The following ZNF117 variants were observed in gnomAD, a reference collection of about 807,000 sequenced individuals.
The protein encoded by ZNF117 is zinc finger protein 117.
A neutral mutation model predicts 41.2 loss-of-function variants in ZNF117; 37 were observed. The ratio of observed to expected loss-of-function variants is 0.90; its 90% CI spans 0.69 to 1.18. ZNF117 has a LOEUF of 1.18. ZNF117 is among the 50% of genes most tolerant of loss of function. The pLI is 0.00. For missense variants in ZNF117, 546 were observed against 557.5 expected, an observed-to-expected ratio of 0.98 and a Z score of 0.21; for synonymous variants, 186 against 186.6, an observed-to-expected ratio of 1.00 and a Z score of 0.02.
At position 64,977,748 on chromosome 7, in the gene ZNF117, G is replaced by A. The variant is rs115620872; in HGVS notation, c.*371C>T. 2.1e-3 allele frequency: 1,893 copies of A among 892,806 alleles called. 22 individuals carry two copies. In the African/African-American group the frequency reaches 0.024, roughly 11 times the overall value. 55.3% of individuals were successfully genotyped at this position (892,806 alleles called of 1,614,324 possible). ...TTCACATTTATATGGTTTCTCTCCA[G>A]TATGAATTATTTTATGTGTAGTAAG... is the stretch of plus-strand genomic sequence containing the variant. On this transcript the variant is annotated 3_prime_UTR_variant, in exon 3 of 3. Transcript: ENST00000620222.
exon 3 of ZNF117, chr7:64,978,724 C>A: frequency 6.2e-7 from 1 of 1,612,870 alleles, no homozygotes; most frequent in Non-Finnish European, 8.5e-7. Context: ...AAGGCTTTAC[C>A]ACATTCTTCA....
upstream of ZNF117, among the ~76,000 whole-genome samples, chr7:64,985,453 T>C (rs553908227): frequency 2.7e-4 from 41 of 152,332 alleles, no homozygotes; most frequent in African/African-American, 9.6e-4. Flanking sequence ...TAAAACAAAC[T>C]TTAATCTAAA....
chr7:64,981,327 G>A (rs2129119364), intron 2 of ZNF117, 60 bp downstream of exon 3: 1 of 1,590,254 alleles, frequency 6.3e-7, no homozygotes, highest in South Asian at 1.1e-5. Context: ...TTTAAGCTGT[G>A]GCCTTCTCCT....
chr7:64,984,457 T>C (rs879818006), upstream of ZNF117, among the ~76,000 whole-genome samples: 4 of 152,200 alleles, frequency 2.6e-5, no homozygotes, highest in Non-Finnish European at 5.9e-5. Flanking sequence ...TACATTTGAG[T>C]TTGCATCATG....
At chr7:64,974,774 TG>T (rs1785844006) in exon 3 of ZNF117, 1 of 151,922 alleles carries the variant, frequency 6.6e-6, no homozygotes, top group African/African-American at 2.4e-5. Context: ...ATTATACCCA[TG>T]AAAATGACCC....
chr7:64,988,491 A>T (rs1786182162), intron 1 of ZNF117, among the ~76,000 whole-genome samples: 1 of 152,156 alleles, frequency 6.6e-6, no homozygotes, highest in African/African-American at 2.4e-5. Flanking sequence ...CCCACAACAA[A>T]CATACTGAGT....
chr7:64,981,984 C>A lies in ZNF117; in HGVS notation c.-63G>T. 1 of 631,838 alleles carries A rather than the reference C, an allele frequency of 1.6e-6. No homozygotes were observed. The highest frequency in any genetic ancestry group is 2.0e-5 in the South Asian group (1 of 49,642). The allele number at this position is 631,838 out of a possible 1,614,324, so 39.1% of individuals were successfully genotyped here. A position where few individuals can be genotyped will look rare whatever the true frequency, so the allele number is the denominator to read the frequency against. On this transcript the variant is annotated splice_region_variant and 5_prime_UTR_variant, in exon 1 of 3. In the 5' UTR this introduces an upstream ATG that the reference lacks. Coordinates refer to ENST00000620222, the Ensembl canonical transcript of ZNF117. ...ATTAGAAAATGTGTATTGAAGTTAC[C>A]TTCACCCAAGAAAACCAGGTTTCTG...
chr7:64,978,555 C>A, exon 3 of ZNF117: 2 of 1,612,988 alleles, frequency 1.2e-6, no homozygotes, highest in Non-Finnish European at 8.5e-7. Flanking sequence ...AAAAGCTTTG[C>A]CACATTCCTC....
chr7:64,986,112 T>G (rs1327797428), upstream of ZNF117, among the ~76,000 whole-genome samples: 1 of 151,216 alleles, frequency 6.6e-6, no homozygotes, highest in Non-Finnish European at 1.5e-5. Context: ...CATGTGCACT[T>G]GAGAAATGTT....
chr7:64,978,926 A>G (rs902761517), exon 3 of ZNF117: 1 of 1,613,506 alleles, frequency 6.2e-7, no homozygotes, highest in Middle Eastern at 1.7e-4. Context: ...TTTCCCCAGT[A>G]TGAATTATAT....
At chr7:64,974,432 C>T (rs771571577), downstream of ZNF117, 3 of 151,854 alleles carry the variant, frequency 2.0e-5, no homozygotes, top group Non-Finnish European at 3.0e-5. Context: ...GCAGAGTATA[C>T]ATTTACTTTC....
exon 3 of ZNF117, chr7:64,978,122 G>C (rs763730617): frequency 2.5e-6 from 4 of 1,607,688 alleles, no homozygotes; most frequent in Non-Finnish European, 3.4e-6. Flanking sequence ...TTGAGGATCA[G>C]GTAGAAGCTT....
intron 1 of ZNF117, among the ~76,000 whole-genome samples, chr7:64,989,443 T>TTATATATATATA (rs58009024): frequency 2.2e-4 from 11 of 49,464 alleles, no homozygotes; most frequent in East Asian, 9.3e-4. Context: ...GAACTTAAAA[T>TTATATATATATA]TATATATATA....
intron 1 of ZNF117, among the ~76,000 whole-genome samples, chr7:64,989,446 TATATA>T (rs1786206656): frequency 7.5e-4 from 4 of 5,346 alleles, no homozygotes; most frequent in South Asian, 3.3e-3. Context: ...CTTAAAATTA[TATATA>T]TATATATATA....
upstream of ZNF117, among the ~76,000 whole-genome samples, chr7:64,986,427 GCAGACAAATGGCA>G (rs1250533060): frequency 6.6e-6 from 1 of 152,098 alleles, no homozygotes; most frequent in African/African-American, 2.4e-5. Flanking sequence ...ATAAGATGAT[GCAGACAAATGGCA>G]CAGACAAAAA....
rs1562649381 is a variant in ZNF117 at position 64,989,475 on chromosome 7, ATATATATATATATATATATATAT to A, written c.-196+449_-196+471del. ...TATATATATATATATATATATATATATATATATATATATATATATATATAAAACCTGAAAATAATCTAGAAAAT... is the reference window on the plus strand; with the variant it reads ...TATATATATATATATATATATATATAAAAACCTGAAAATAATCTAGAAAAT... On this transcript the variant is annotated intron_variant, in intron 1 of 3. Coordinates refer to the ZNF117 transcript ENST00000282869. 3.8e-4 allele frequency among the ~76,000 whole-genome samples: 44 copies of A among 115,108 alleles called. 1 individual carries two copies. Among genetic ancestry groups the A allele is most frequent in the Non-Finnish European group, 6.2e-4 (35 of 56,078 alleles). The allele number at this position is 115,108 out of a possible 152,430, so 75.5% of individuals were successfully genotyped here. A position where few individuals can be genotyped will look rare whatever the true frequency, so the allele number is the denominator to read the frequency against.
chr7:64,989,486 T>TATATATATATAC (rs1562649460), intron 1 of ZNF117, among the ~76,000 whole-genome samples: 20 of 74,622 alleles, frequency 2.7e-4, no homozygotes, highest in Non-Finnish European at 5.2e-4. Flanking sequence ...TATATATATA[T>TATATATATATAC]ATATATATAT....
exon 3 of ZNF117, chr7:64,975,433 A>T (rs914360151): frequency 1.3e-5 from 2 of 151,588 alleles, no homozygotes; most frequent in African/African-American, 4.8e-5. Context: ...TTAAACACAA[A>T]GAGCCTCTCC....
chr7:64,974,937 T>C (rs1215751262), exon 3 of ZNF117: 5 of 151,978 alleles, frequency 3.3e-5, no homozygotes, highest in Non-Finnish European at 7.4e-5. Context: ...AAATATGCCA[T>C]ATATGGCATA....
Sources: gnomAD v4.1 joint callset for allele counts (sites outside exome capture counted in the v4.1 genomes callset) on GRCh38, gnomAD v4.1.1 for gene constraint, MANE v1.5 for transcripts, NCBI Gene and HGNC (gene_info 2026-07-23, HGNC 2026-07-21) for gene names.